GIPC3: variants seen among roughly 807,000 people sequenced by gnomAD.
GIPC3 encodes PDZ domain-containing protein GIPC3.
Under a neutral mutation model 27.3 loss-of-function variants are expected in GIPC3, and 16 were observed. That is an observed-to-expected ratio of 0.59 (90% CI 0.40 to 0.89). The LOEUF (loss-of-function observed/expected upper bound fraction) is 0.89. Ranked by LOEUF, GIPC3 falls within the 40% of genes least tolerant of loss-of-function variation. The probability of loss-of-function intolerance (pLI) is 0.00; values close to 1 mark genes in which losing one functional copy is unlikely to be tolerated. For synonymous variants in GIPC3, 194 were observed against 184.6 expected, an observed-to-expected ratio of 1.05 and a Z score of -0.41; for missense variants, 440 against 442.1, an observed-to-expected ratio of 1.00 and a Z score of 0.04.
At chr19:3,587,305 G>A (rs1179554701) in intron 3 of GIPC3, among the ~76,000 whole-genome samples, 3 of 134,142 alleles carry the variant, frequency 2.2e-5, no homozygotes, top group Admixed American at 1.4e-4. Flanking sequence ...TTTTTGAGAC[G>A]GAGTCTCACT....
intron 3 of GIPC3, 49 bp from the exon 4 acceptor site, chr19:3,589,394 T>C: frequency 2.9e-6 from 4 of 1,380,140 alleles, no homozygotes; most frequent in Non-Finnish European, 3.1e-6. Flanking sequence ...TTTACAAAGA[T>C]GTGGCTCCAC....
chr19:3,586,879 C>T lies in GIPC3; in HGVS notation c.477C>T (p.Ala159=). The T allele has an allele frequency of 6.2e-7, 1 of 1,613,436 alleles. No homozygotes were observed. The highest frequency in any genetic ancestry group is 8.5e-7 in the Non-Finnish European group (1 of 1,179,974). The change falls in exon 3 of 6, where the codon GCC becomes GCT. Residue 159 remains alanine (A), a synonymous_variant. Transcript: ENST00000644452. ...EAVCVGDSIE[A]INDHSIVGCR... ...TGTGCGTGGGTGACAGCATCGAAGC[C>T]ATCAACGACCACTCCATTGTGGGCT... is the stretch of plus-strand genomic sequence containing the variant.
Position 3,591,245 on chromosome 19 carries a change from T to G in GIPC3, c.*1055T>G. On this transcript the variant is annotated 3_prime_UTR_variant, in exon 6 of 6. Coordinates refer to ENST00000644452, the MANE Select transcript of GIPC3 (RefSeq NM_133261.3). The stretch of plus-strand genomic sequence containing the variant: ...CCAGCTCTAGAACCCAGATAAGATC[T>G]GAGACCAAGCCCTGCTCTGAAGCCC... The G allele has an allele frequency of 8.1e-7, 1 of 1,232,834 alleles. No individual in the cohort carries two copies. The highest frequency in any genetic ancestry group is 1.0e-6 in the Non-Finnish European group (1 of 988,512). 76.4% of individuals were successfully genotyped at this position (1,232,834 alleles called of 1,614,324 possible). A position where few individuals can be genotyped will look rare whatever the true frequency, so the allele number is the denominator to read the frequency against.
chr19:3,586,478 C>T lies in GIPC3; in HGVS notation c.226-17C>T. The T allele has an allele frequency of 6.2e-7, 1 of 1,612,122 alleles. No individual in the cohort carries two copies. Among genetic ancestry groups the T allele is most frequent in the Non-Finnish European group, 8.5e-7 (1 of 1,179,476 alleles). On this transcript the variant is annotated splice_polypyrimidine_tract_variant and intron_variant, in intron 1 of 5. Coordinates refer to ENST00000644452, the MANE Select transcript of GIPC3 (RefSeq NM_133261.3). ...TGCATGCCCTGGCTAACTCTAGGCTCCTTCTCCCCCGGGAAGATTTTATTC... is the reference window on the plus strand; with the variant it reads ...TGCATGCCCTGGCTAACTCTAGGCTTCTTCTCCCCCGGGAAGATTTTATTC...
intron 5 of GIPC3, 25 bp downstream of exon 5, chr19:3,589,937 G>A: frequency 1.2e-6 from 2 of 1,613,606 alleles, no homozygotes; most frequent in African/African-American, 1.3e-5. Flanking sequence ...TAAGCCAGGG[G>A]GCCCTGGGGG....
At position 3,590,693 on chromosome 19, in the gene GIPC3, CG is replaced by C. The variant is rs2032472805; in HGVS notation, c.*504del. ...CTAGAACTCAGATGGGCTCTGAGAC[CG>C]AGCCCAGCTCTAAAACTCAGATGGG... On this transcript the variant is annotated 3_prime_UTR_variant, in exon 6 of 6. Coordinates refer to ENST00000644452, the MANE Select transcript of GIPC3 (RefSeq NM_133261.3). The C allele has an allele frequency of 9.6e-7, 1 of 1,037,832 alleles. No homozygotes were observed. Among genetic ancestry groups the C allele is most frequent in the African/African-American group, 1.7e-5 (1 of 58,294 alleles). 64.3% of individuals were successfully genotyped at this position (1,037,832 alleles called of 1,614,324 possible).
intron 3 of GIPC3, among the ~76,000 whole-genome samples, chr19:3,587,695 C>CTTTTTTTTTTTCTTTTCTT (rs2032401098): frequency 1.5e-5 from 2 of 131,204 alleles, no homozygotes; most frequent in African/African-American, 3.0e-5. Context: ...CTTTTCTTTT[C>CTTTTTTTTTTTCTTTTCTT]TTTTTTTTTT....
In GIPC3 at chr19:3,589,608, C is replaced by A. The variant is rs927835462; in HGVS notation, c.705+53C>A. ...GGCTTCTGCACCTTCAGCTCCTCCA[C>A]TGAGTCAGTGCGGTCTTGGGTAAGA... On this transcript the variant is annotated intron_variant, in intron 4 of 5. Transcript: ENST00000644452. The A allele has an allele frequency of 9.0e-6, 13 of 1,442,042 alleles. No homozygotes were observed. The Middle Eastern group carries it at 5.4e-4, about 59-fold the overall frequency. 89.3% of individuals were successfully genotyped at this position (1,442,042 alleles called of 1,614,324 possible).
Position 3,593,374 on chromosome 19 carries a change from C to A in GIPC3, c.*3184C>A. On this transcript the variant is annotated 3_prime_UTR_variant, in exon 6 of 6. Transcript: ENST00000644452. ...GGGGCCCCCAGAAGCAGCAAGTGACCTTATTTCTCCAGCAGGCGGTGGTAG... is the reference window on the plus strand; with the variant it reads ...GGGGCCCCCAGAAGCAGCAAGTGACATTATTTCTCCAGCAGGCGGTGGTAG... The A allele has an allele frequency of 8.7e-7, 1 of 1,154,288 alleles. No homozygotes were observed. The highest frequency in any genetic ancestry group is 1.1e-6 in the Non-Finnish European group (1 of 917,256). 71.5% of individuals were successfully genotyped at this position (1,154,288 alleles called of 1,614,324 possible).
Position 3,585,650 on chromosome 19 carries a change from C to T in GIPC3, c.53C>T (p.Ser18Phe). The T allele has an allele frequency of 8.2e-7, 1 of 1,213,044 alleles. No individual in the cohort carries two copies. 75.1% of individuals were successfully genotyped at this position (1,213,044 alleles called of 1,614,324 possible). The change falls in exon 1 of 6, where the codon TCT becomes TTT. Residue 18 changes from serine (S) to phenylalanine (F), a missense_variant. Physicochemically the swap from Ser to Phe is radical, Grantham distance 155. Coordinates refer to ENST00000644452, the MANE Select transcript of GIPC3 (RefSeq NM_133261.3). ...EARGTETPRA[S>F]APPPAPSEPP... ...CGGGGGACCGAGACCCCGCGCGCGTCTGCGCCCCCGCCCGCGCCCTCGGAG... is the reference window on the plus strand; with the variant it reads ...CGGGGGACCGAGACCCCGCGCGCGTTTGCGCCCCCGCCCGCGCCCTCGGAG...
chr19:3,589,939 C>T, intron 5 of GIPC3, 27 bp downstream of exon 5: 1 of 1,613,502 alleles, frequency 6.2e-7, no homozygotes, highest in Non-Finnish European at 8.5e-7. Flanking sequence ...AGCCAGGGGG[C>T]CCTGGGGGGA....
chr19:3,588,167 G>A (rs996617338), intron 3 of GIPC3, among the ~76,000 whole-genome samples: 3 of 151,826 alleles, frequency 2.0e-5, no homozygotes, highest in Admixed American at 1.3e-4. Flanking sequence ...ACCATGCCTG[G>A]CTAATTTTGT....
chr19:3,589,404 C>A, intron 3 of GIPC3, 39 bp from the exon 4 acceptor site: 1 of 1,488,008 alleles, frequency 6.7e-7, no homozygotes, highest in Middle Eastern at 1.7e-4. Flanking sequence ...TGTGGCTCCA[C>A]CCAGAACCCA....
rs755632972 is a variant in GIPC3 at position 3,586,485 on chromosome 19, C to T, written c.226-10C>T. On this transcript the variant is annotated splice_polypyrimidine_tract_variant and intron_variant, in intron 1 of 5. Coordinates refer to ENST00000644452, the MANE Select transcript of GIPC3 (RefSeq NM_133261.3). ...CCTGGCTAACTCTAGGCTCCTTCTC[C>T]CCCGGGAAGATTTTATTCTGCACCC... 33 of 1,612,778 alleles carry T rather than the reference C, an allele frequency of 2.0e-5. No individual in the cohort carries two copies. The highest frequency in any genetic ancestry group is 2.5e-5 in the Non-Finnish European group (29 of 1,179,792).
chr19:3,593,248 T>TG lies in GIPC3; in HGVS notation c.*3063dup. On this transcript the variant is annotated 3_prime_UTR_variant, in exon 6 of 6. Transcript: ENST00000644452. ...TTGGCGCCAGCCCTTTGCCCCACTC[T>TG]GGGGGAGCCAGGAGCCCGCCCTTAC... is the stretch of plus-strand genomic sequence containing the variant. 8.1e-7 allele frequency: 1 copy of TG among 1,232,826 alleles called. No homozygotes were observed. The highest frequency in any genetic ancestry group is 1.0e-6 in the Non-Finnish European group (1 of 988,536). 76.4% of individuals were successfully genotyped at this position (1,232,826 alleles called of 1,614,324 possible).
chr19:3,590,868 G>C lies in GIPC3; in HGVS notation c.*678G>C. On this transcript the variant is annotated 3_prime_UTR_variant, in exon 6 of 6. Transcript: ENST00000644452. ...CAGCTCTAGAACTCAGATGGGCTCC[G>C]AGACCAAGCCCAGCTCTAGAACCCA... 1 of 1,234,076 alleles carries C rather than the reference G, an allele frequency of 8.1e-7. No homozygotes were observed. The highest frequency in any genetic ancestry group is 1.0e-6 in the Non-Finnish European group (1 of 990,368). 76.4% of individuals were successfully genotyped at this position (1,234,076 alleles called of 1,614,324 possible).
intron 3 of GIPC3, among the ~76,000 whole-genome samples, chr19:3,587,540 C>G (rs575635237): frequency 2.1e-4 from 32 of 152,206 alleles, no homozygotes; most frequent in Non-Finnish European, 1.5e-5. Context: ...CCTCAGTCTC[C>G]CAAAATGCTA....
At position 3,590,184 on chromosome 19, in the gene GIPC3, T is replaced by C; in HGVS notation, c.933T>C (p.Cys311=). Residue 311 remains cysteine (C), a synonymous_variant, in exon 6 of 6, where the codon TGT becomes TGC. Coordinates refer to ENST00000644452, the MANE Select transcript of GIPC3 (RefSeq NM_133261.3). The part of the protein sequence containing the change: ...WAAIGEAREA[C]G The stretch of plus-strand genomic sequence containing the variant: ...CCATCGGCGAGGCCAGAGAGGCCTG[T>C]GGCTAGTTTGCCCTGGGGGGGCCCA... The C allele has an allele frequency of 6.3e-7, 1 of 1,595,876 alleles. No individual in the cohort carries two copies. Among genetic ancestry groups the C allele is most frequent in the South Asian group, 1.1e-5 (1 of 88,336 alleles).
rs532510271 is a variant in GIPC3 at position 3,593,094 on chromosome 19, C to G, written c.*2904C>G. ...ACAGTCACAGGTCTCCTCAACCCCC[C>G]AGAAGCCAGCCGTCTCTCCCAAGCC... On this transcript the variant is annotated 3_prime_UTR_variant, in exon 6 of 6. Transcript: ENST00000644452. 4 of 1,232,760 alleles carry G rather than the reference C, an allele frequency of 3.2e-6. No homozygotes were observed. Among genetic ancestry groups the G allele is most frequent in the Non-Finnish European group, 4.0e-6 (4 of 988,482 alleles). 76.4% of individuals were successfully genotyped at this position (1,232,760 alleles called of 1,614,324 possible).
Sources: allele counts gnomAD v4.1 joint callset (sites outside exome capture counted in the v4.1 genomes callset), GRCh38; gene constraint gnomAD v4.1.1; transcripts MANE v1.5; gene names NCBI Gene and HGNC (gene_info 2026-07-23, HGNC 2026-07-21).